AK9: variants seen among roughly 807,000 people sequenced by gnomAD.
The protein encoded by AK9 is adenylate kinase domain containing 1.
In AK9, 191 loss-of-function variants were observed where a neutral mutation model predicts 239.6. The ratio of observed to expected loss-of-function variants is 0.80; its 90% CI spans 0.71 to 0.90. AK9 has a LOEUF of 0.90. Ranked by LOEUF, AK9 falls within the 40% of genes least tolerant of loss-of-function variation. The pLI, the probability that AK9 is intolerant of heterozygous loss-of-function variation, is 0.00. For synonymous variants in AK9, 689 were observed against 721.0 expected, an observed-to-expected ratio of 0.96 and a Z score of 0.71; for missense variants, 1,995 against 2,214.7, an observed-to-expected ratio of 0.90 and a Z score of 1.99.
chr6:109,557,150 C>A (rs145340136), intron 24 of AK9, among the ~76,000 whole-genome samples: 6,489 of 152,098 alleles, frequency 0.043, 178 homozygotes, highest in South Asian at 0.089. Flanking sequence ...AGGCTGCTGA[C>A]CCTTGGATGG....
Position 109,524,463 on chromosome 6 carries a change from G to A in AK9, c.3633+4548C>T, listed in dbSNP as rs192537004. ...GAAAGACACAAATTTACAGATTAAA[G>A]AAGCTTAGTGAACTCCAAACTAAAT... is the stretch of plus-strand genomic sequence containing the variant. On this transcript the variant is annotated intron_variant, in intron 29 of 40. Coordinates refer to ENST00000424296, the MANE Select transcript of AK9 (RefSeq NM_001145128.3). Among the ~76,000 whole-genome samples, 143 of 152,210 alleles carry A rather than the reference G, an allele frequency of 9.4e-4. 1 individual carries two copies. The highest frequency in any genetic ancestry group is 3.4e-3 in the Middle Eastern group (1 of 294).
intron 8 of AK9, among the ~76,000 whole-genome samples, chr6:109,655,791 T>C (rs3899233): frequency 0.35 from 52,634 of 152,134 alleles, 9,578 homozygotes; most frequent in South Asian, 0.44. Context: ...GTAGTCAAGA[T>C]ACTTTTATTG....
Position 109,494,097 on chromosome 6 carries a change from T to C in AK9, c.5419-2A>G, listed in dbSNP as rs764995702. On this transcript the variant is annotated splice_acceptor_variant, in intron 39 of 40. Transcript: ENST00000424296. LOFTEE classifies it high-confidence loss of function. ...TTTAATTAGAGAAGTTGCAATACCCTGCAGGGAGGGAACAATTCAAATTCT... is the reference window on the plus strand; with the variant it reads ...TTTAATTAGAGAAGTTGCAATACCCCGCAGGGAGGGAACAATTCAAATTCT... 6.2e-7 allele frequency: 1 copy of C among 1,605,238 alleles called. No homozygotes were observed. The highest frequency in any genetic ancestry group is 8.5e-7 in the Non-Finnish European group (1 of 1,172,908).
chr6:109,687,347 C>T (rs1773654990), intron 1 of AK9, among the ~76,000 whole-genome samples: 1 of 152,202 alleles, frequency 6.6e-6, no homozygotes, highest in Non-Finnish European at 1.5e-5. Flanking sequence ...CAGTGAGTCA[C>T]ACCCTTGCAT....
rs772381256 is a variant in AK9 at position 109,527,009 on chromosome 6, G to A, written c.3633+2002C>T. Among the ~76,000 whole-genome samples the A allele has an allele frequency of 5.9e-5, 9 of 152,282 alleles. 1 individual carries two copies. The highest frequency in any genetic ancestry group is 6.8e-3 in the Middle Eastern group (2 of 294). On this transcript the variant is annotated intron_variant, in intron 29 of 40. Coordinates refer to ENST00000424296, the MANE Select transcript of AK9 (RefSeq NM_001145128.3). ...CTCTATTACTCTTCTCCGAGGCGTA[G>A]TCTGACACTGTGCTCACTTGCTCCC...
At chr6:109,590,954 A>G (rs773831475) in intron 17 of AK9, among the ~76,000 whole-genome samples, 23 of 152,052 alleles carry the variant, frequency 1.5e-4, no homozygotes, top group Non-Finnish European at 3.2e-4. Flanking sequence ...TGGTCATTTA[A>G]GAATGTTCCA....
rs149966526 is a variant in AK9, at chr6:109,573,506, G to A, written c.2280C>T (p.Thr760=). Residue 760 remains threonine (T), a synonymous_variant, in exon 21 of 41, where the codon ACC becomes ACT. Coordinates refer to ENST00000424296, the MANE Select transcript of AK9 (RefSeq NM_001145128.3). ...ACTCCTCAGGTAACCATGACCCTCG[G>A]GTATCGTGAGATGCCTCAGGCTCTT... ...VHEEPEASHD[T]RGSWLPEEFE... 2.5e-3 allele frequency: 3,834 copies of A among 1,551,256 alleles called. 87 individuals carry two copies. The African/African-American group carries it at 0.047, about 19-fold the overall frequency.
intron 21 of AK9, among the ~76,000 whole-genome samples, chr6:109,570,175 C>G (rs1583052514): frequency 6.6e-6 from 1 of 151,806 alleles, no homozygotes; most frequent in Non-Finnish European, 1.5e-5. Context: ...CAAACTATCA[C>G]AAGGATAGAA....
At chr6:109,602,879 G>T (rs1248249757) in intron 17 of AK9, among the ~76,000 whole-genome samples, 4 of 152,152 alleles carry the variant, frequency 2.6e-5, no homozygotes, top group Non-Finnish European at 4.4e-5. Context: ...ACTGAAGCTT[G>T]TGTATTCGTC....
chr6:109,619,044 T>A, intron 13 of AK9, 48 bp downstream of exon 13: 1 of 1,508,152 alleles, frequency 6.6e-7, no homozygotes, highest in Middle Eastern at 2.1e-4. Flanking sequence ...GTAGCCCGGC[T>A]TAATTTTTAC....
At chr6:109,571,545 T>C (rs79034793) in intron 21 of AK9, among the ~76,000 whole-genome samples, 1 of 152,166 alleles carries the variant, frequency 6.6e-6, no homozygotes, top group Non-Finnish European at 1.5e-5. Flanking sequence ...TTAAGTATCA[T>C]TGCCTTTTGT....
chr6:109,553,227 C>T (rs1784566539), intron 24 of AK9, among the ~76,000 whole-genome samples: 1 of 152,154 alleles, frequency 6.6e-6, no homozygotes, highest in Non-Finnish European at 1.5e-5. Context: ...TTAGTTTTTT[C>T]TAATTCCGTG....
intron 5 of AK9, among the ~76,000 whole-genome samples, chr6:109,667,095 T>C (rs2128326681): frequency 6.6e-6 from 1 of 152,228 alleles, no homozygotes; most frequent in Admixed American, 6.5e-5. Context: ...ACACAATAGA[T>C]TGTGAATGAA....
intron 17 of AK9, among the ~76,000 whole-genome samples, chr6:109,597,287 A>G (rs565619149): frequency 6.6e-6 from 1 of 152,292 alleles, no homozygotes; most frequent in East Asian, 1.9e-4. Context: ...CAGCCTCACT[A>G]TTACCAATTG....
intron 27 of AK9, among the ~76,000 whole-genome samples, chr6:109,533,908 G>A (rs1781607238): frequency 6.6e-6 from 1 of 152,106 alleles, no homozygotes; most frequent in Admixed American, 6.6e-5. Flanking sequence ...CTGTTTGGGA[G>A]CGGTGCCCAG....
chr6:109,686,595 C>T (rs1459845690), intron 1 of AK9, among the ~76,000 whole-genome samples: 1 of 152,174 alleles, frequency 6.6e-6, no homozygotes, highest in Non-Finnish European at 1.5e-5. Flanking sequence ...TGGCTAGATC[C>T]CACAATACTA....
chr6:109,530,085 A>G (rs1020414108), intron 28 of AK9, among the ~76,000 whole-genome samples: 11 of 152,234 alleles, frequency 7.2e-5, no homozygotes, highest in African/African-American at 2.7e-4. Context: ...AATCCTCTAA[A>G]TCTAACACAA....
At chr6:109,551,437 T>C (rs915546329) in intron 24 of AK9, among the ~76,000 whole-genome samples, 3 of 150,642 alleles carry the variant, frequency 2.0e-5, no homozygotes, top group African/African-American at 7.4e-5. Context: ...GAGAATCACT[T>C]GAGTCCGAGA....
intron 1 of AK9, among the ~76,000 whole-genome samples, chr6:109,684,337 G>A (rs1383567508): frequency 1.3e-5 from 2 of 152,060 alleles, no homozygotes; most frequent in African/African-American, 4.8e-5. Context: ...CATAGGCACG[G>A]GCAAAGACTT....
Sources: gnomAD v4.1 joint callset for allele counts (sites outside exome capture counted in the v4.1 genomes callset) on GRCh38, gnomAD v4.1.1 for gene constraint, MANE v1.5 for transcripts, NCBI Gene and HGNC (gene_info 2026-07-23, HGNC 2026-07-21) for gene names.